The following SBNO1 variants were observed in gnomAD, a reference collection of about 807,000 sequenced individuals.
The protein encoded by SBNO1 is strawberry notch homolog 1.
In SBNO1, 23 loss-of-function variants were observed where a neutral mutation model predicts 173.6. The observed-to-expected ratio is 0.13, with a 90% CI of 0.10 to 0.19. The LOEUF is 0.19. SBNO1 is among the 10% of genes least tolerant of loss of function. SBNO1 has a pLI of 1.00. For synonymous variants in SBNO1, 632 were observed against 571.5 expected (o/e 1.11, Z -1.51); for missense variants, 1,238 against 1,671.2 (o/e 0.74, Z 4.52).
At chr12:123,331,430 A>G in intron 7 of SBNO1, 55 bp from the exon 8 acceptor site, 3 of 1,551,468 alleles carry the variant, frequency 1.9e-6, no homozygotes, top group Non-Finnish European at 2.7e-6. Flanking sequence ...TTGGTGATCA[A>G]TCTTTCATAC....
chr12:123,321,359 C>T (rs1394356892), intron 17 of SBNO1, among the ~76,000 whole-genome samples, 176 bp downstream of exon 17: 1 of 152,170 alleles, frequency 6.6e-6, no homozygotes, highest in Non-Finnish European at 1.5e-5. Context: ...AGGTTATCTT[C>T]TCACATATAT....
chr12:123,356,462 G>C (rs1259163173), intron 1 of SBNO1, among the ~76,000 whole-genome samples: 2 of 152,166 alleles, frequency 1.3e-5, no homozygotes, highest in Non-Finnish European at 2.9e-5. Flanking sequence ...TTGCGATGGA[G>C]TCTTGTTCTG....
Position 123,293,922 on chromosome 12 carries a change from G to A in SBNO1, c.*1986C>T, listed in dbSNP as rs61953419. On this transcript the variant is annotated 3_prime_UTR_variant, in exon 32 of 32. Transcript: ENST00000602398. The stretch of plus-strand genomic sequence containing the variant: ...GCGACTGCACCTCCACCACTGGAGT[G>A]GGGGACACTTCCATTGCTGATGGAA... 3 of 152,216 alleles carry A rather than the reference G, an allele frequency of 2.0e-5. No homozygotes were observed. Among genetic ancestry groups the A allele is most frequent in the African/African-American group, 7.2e-5 (3 of 41,444 alleles). The allele number at this position is 152,216 out of a possible 1,614,324, so 9.4% of individuals were successfully genotyped here.
At chr12:123,304,790 C>T (rs2048874380) in intron 28 of SBNO1, 71 bp from the exon 29 acceptor site, 5 of 1,015,772 alleles carry the variant, frequency 4.9e-6, no homozygotes, top group South Asian at 2.9e-5. Context: ...TGTACCATCA[C>T]GTCAGCAAAC....
Position 123,321,686 on chromosome 12 carries a change from G to T in SBNO1, c.2172C>A (p.Gly724=). The T allele has an allele frequency of 6.2e-7, 1 of 1,613,986 alleles. No individual in the cohort carries two copies. Among genetic ancestry groups the T allele is most frequent in the African/African-American group, 1.3e-5 (1 of 75,002 alleles). ...REAKKARKVG[G]LTGSSSDDSG... The stretch of plus-strand genomic sequence containing the variant: ...TGTCGTCAGAACTGCTACCAGTAAG[G>T]CCACCTACTTTTCGTGCTTTTTTGG... Residue 724 remains glycine (G), a synonymous_variant, in exon 17 of 32, where the codon GGC becomes GGA. Coordinates refer to ENST00000602398, the MANE Select transcript of SBNO1 (RefSeq NM_001167856.3).
chr12:123,334,578 C>T (rs11057275), intron 6 of SBNO1, among the ~76,000 whole-genome samples: 80,575 of 151,934 alleles, frequency 0.53, 25,517 homozygotes, highest in East Asian at 0.71. Context: ...CATGTTGGCA[C>T]GCGCCTGTAA....
chr12:123,315,504 A>T (rs375172541), intron 22 of SBNO1, 44 bp downstream of exon 22: 1 of 1,587,038 alleles, frequency 6.3e-7, no homozygotes, highest in South Asian at 1.1e-5. Context: ...AAACAGGTAC[A>T]ATAGATCATC....
chr12:123,317,446 T>C, intron 20 of SBNO1, 90 bp from the exon 21 acceptor site: 1 of 1,110,164 alleles, frequency 9.0e-7, no homozygotes, highest in Non-Finnish European at 1.3e-6. Context: ...GACTGCCTAT[T>C]CTCTCCTTCT....
chr12:123,327,731 T>C lies in SBNO1; in HGVS notation c.1514A>G (p.Asp505Gly). Residue 505 changes from aspartate to glycine, a missense_variant, in exon 12 of 32, where the codon GAT becomes GGT. This residue lies in a region of SBNO1 where 182 missense variants were observed against 339.9 expected (regional missense o/e 0.54). Coordinates refer to ENST00000602398, the MANE Select transcript of SBNO1 (RefSeq NM_001167856.3). ...GEGTPFREFSDFIQAVERRGV... is the reference protein window; with the variant it reads ...GEGTPFREFSGFIQAVERRGV... ...CCTCCGTTCTACTGCTTGAATAAAA[T>C]CACTGAATTCTCTAAATGGAGTACC... 2 of 1,613,476 alleles carry C rather than the reference T, an allele frequency of 1.2e-6. No individual in the cohort carries two copies. Among genetic ancestry groups the C allele is most frequent in the Non-Finnish European group, 1.7e-6 (2 of 1,179,610 alleles).
intron 31 of SBNO1, among the ~76,000 whole-genome samples, chr12:123,296,470 TG>T (rs2048597137): frequency 6.9e-6 from 1 of 144,336 alleles, no homozygotes; most frequent in Non-Finnish European, 1.5e-5. Flanking sequence ...GGATACTCTC[TG>T]GGTGCTGGTT....
chr12:123,297,385 C>CA (rs1365157640), intron 31 of SBNO1, among the ~76,000 whole-genome samples: 2 of 26,580 alleles, frequency 7.5e-5, no homozygotes, highest in Non-Finnish European at 2.1e-4. Context: ...TACAACATCC[C>CA]AAAATACTGG....
rs541525857 is a variant in SBNO1 at position 123,333,527 on chromosome 12, G to T, written c.909+526C>A. 2.6e-5 allele frequency among the ~76,000 whole-genome samples: 4 copies of T among 151,734 alleles called. No homozygotes were observed. The East Asian group carries it at 7.7e-4, about 29-fold the overall frequency. ...TATAATTTTTTTTTTTTGAGACAGG[G>T]TCTCGTTCCCATCACCCAGGGTGGA... On this transcript the variant is annotated intron_variant, in intron 7 of 31. Coordinates refer to ENST00000602398, the MANE Select transcript of SBNO1 (RefSeq NM_001167856.3).
At chr12:123,306,185 G>A (rs1369745386) in intron 28 of SBNO1, among the ~76,000 whole-genome samples, 3 of 152,176 alleles carry the variant, frequency 2.0e-5, no homozygotes, top group African/African-American at 7.2e-5. Context: ...TTTATCAGCT[G>A]ACAGGAAATA....
intron 1 of SBNO1, among the ~76,000 whole-genome samples, chr12:123,360,788 C>G (rs929457934): frequency 6.6e-6 from 1 of 152,210 alleles, no homozygotes; most frequent in African/African-American, 2.4e-5. Context: ...TGCATGCTGC[C>G]CCTTTTTCAA....
intron 3 of SBNO1, 100 bp from the exon 4 acceptor site, chr12:123,345,670 C>T (rs1251206596): frequency 2.0e-6 from 2 of 1,005,998 alleles, no homozygotes; most frequent in Admixed American, 5.6e-5. Context: ...CTAAAATGCA[C>T]TTTTATTATT....
At chr12:123,357,444 G>A (rs61955082) in intron 1 of SBNO1, among the ~76,000 whole-genome samples, 1,975 of 150,666 alleles carry the variant, frequency 0.013, 31 homozygotes, top group Non-Finnish European at 0.016. Context: ...GTGGGACTCC[G>A]TCTCAAAACA....
rs544183792 is a variant in SBNO1, at chr12:123,363,888, G to A, written c.-1+813C>T. On this transcript the variant is annotated intron_variant, in intron 1 of 31. Coordinates refer to ENST00000602398, the MANE Select transcript of SBNO1 (RefSeq NM_001167856.3). ...AGGGTCAGGAAAGAAACAATCAGAA[G>A]GGTTTAGGAACATCCAAATCTCCTC... The A allele has an allele frequency of 1.5e-4, 146 of 985,546 alleles. No individual in the cohort carries two copies. In the African/African-American group the frequency reaches 2.4e-3, roughly 16 times the overall value. 61.1% of individuals were successfully genotyped at this position (985,546 alleles called of 1,614,324 possible).
At position 123,307,490 on chromosome 12, in the gene SBNO1, T is replaced by G. The variant is rs192573817; in HGVS notation, c.3630+1820A>C. ...CTGCCCTAGATCATTTATGACTTCA[T>G]CCTGCCTGTGCCATCATCATACATG... is the stretch of plus-strand genomic sequence containing the variant. On this transcript the variant is annotated intron_variant, in intron 28 of 31. Coordinates refer to ENST00000602398, the MANE Select transcript of SBNO1 (RefSeq NM_001167856.3). Among the ~76,000 whole-genome samples the G allele has an allele frequency of 4.8e-3, 725 of 152,348 alleles. 5 individuals carry two copies. Among genetic ancestry groups the G allele is most frequent in the African/African-American group, 0.017 (699 of 41,578 alleles).
Position 123,289,401 on chromosome 12 carries a change from C to T in SBNO1, c.*6507G>A, listed in dbSNP as rs774195704. 10 of 152,250 alleles carry T rather than the reference C, an allele frequency of 6.6e-5. No individual in the cohort carries two copies. The highest frequency in any genetic ancestry group is 1.5e-4 in the Non-Finnish European group (10 of 68,048). 9.4% of individuals were successfully genotyped at this position (152,250 alleles called of 1,614,324 possible). ...CAGTATCATTGGAACAGGGCGCACC[C>T]TTCACACACTGATGGACACGCTACA... On this transcript the variant is annotated 3_prime_UTR_variant, in exon 32 of 32. Transcript: ENST00000602398.
Sources: gnomAD v4.1 joint callset for allele counts (sites outside exome capture counted in the v4.1 genomes callset) on GRCh38, gnomAD v4.1.1 for gene constraint, gnomAD v4.1.1 regional missense constraint, MANE v1.5 for transcripts, NCBI Gene and HGNC (gene_info 2026-07-23, HGNC 2026-07-21) for gene names.